The following BMP2 variants were observed in gnomAD, a reference collection of about 807,000 sequenced individuals.
BMP2 encodes the protein bone morphogenetic protein 2A.
BMP2 carries 2 observed loss-of-function variants against 28.8 expected under a neutral mutation model. The ratio of observed to expected loss-of-function variants is 0.07; its 90% confidence interval spans 0.03 to 0.22. The LOEUF (loss-of-function observed/expected upper bound fraction) is 0.22, where lower values mean the gene tolerates loss of function less well. Among genes scored for constraint, BMP2 ranks in the 10% least tolerant of loss-of-function variants. BMP2 has a pLI of 1.00. For synonymous variants in BMP2, 218 were observed against 204.3 expected, an observed-to-expected ratio of 1.07 and a Z score of -0.57; for missense variants, 437 against 517.7, an observed-to-expected ratio of 0.84 and a Z score of 1.51.
chr20:6,770,749 G>C (rs1216671696), intron 2 of BMP2, among the ~76,000 whole-genome samples: 2 of 152,206 alleles, frequency 1.3e-5, no homozygotes, highest in Non-Finnish European at 2.9e-5. Flanking sequence ...CAAGTGATGG[G>C]GAAGATGAGG....
Position 6,779,132 on chromosome 20 carries a change from T to TA in BMP2, c.*43_*44insA. The TA allele has an allele frequency of 5.3e-6, 5 of 946,058 alleles. No individual in the cohort carries two copies. Among genetic ancestry groups the TA allele is most frequent in the East Asian group, 7.8e-5 (2 of 25,750 alleles). The allele number at this position is 946,058 out of a possible 1,614,324, so 58.6% of individuals were successfully genotyped here. A position where few individuals can be genotyped will look rare whatever the true frequency, so the allele number is the denominator to read the frequency against. On this transcript the variant is annotated 3_prime_UTR_variant, in exon 3 of 3. Coordinates refer to ENST00000378827, the MANE Select transcript of BMP2 (RefSeq NM_001200.4). The stretch of plus-strand genomic sequence containing the variant: ...CATAAATATATATATATATATATAT[T>TA]TTAGAAAAAAGAAAAAAACAAACAA...
rs955179163 is a variant in BMP2 at position 6,770,061 on chromosome 20, G to T, written c.-7-59G>T. On this transcript the variant is annotated intron_variant, in intron 1 of 2. Coordinates refer to ENST00000378827, the MANE Select transcript of BMP2 (RefSeq NM_001200.4). ...CCAAATGGGAGACCGGGCCGCGGGG[G>T]CGCGAGGGGGGAGGACTGGGCGGGG... 7 of 1,460,772 alleles carry T rather than the reference G, an allele frequency of 4.8e-6. No homozygotes were observed. The South Asian group carries it at 6.8e-5, about 14-fold the overall frequency. The allele number at this position is 1,460,772 out of a possible 1,614,324, so 90.5% of individuals were successfully genotyped here.
In BMP2 at chr20:6,768,158, C is replaced by T. The variant is rs1488078543; in HGVS notation, c.-725C>T. 7.5e-6 allele frequency: 3 copies of T among 398,042 alleles called. No individual in the cohort carries two copies. Among genetic ancestry groups the T allele is most frequent in the Non-Finnish European group, 1.3e-5 (3 of 225,796 alleles). The allele number at this position is 398,042 out of a possible 1,614,324, so 24.7% of individuals were successfully genotyped here. A position where few individuals can be genotyped will look rare whatever the true frequency, so the allele number is the denominator to read the frequency against. On this transcript the variant is annotated 5_prime_UTR_variant, in exon 1 of 3. Coordinates refer to ENST00000378827, the MANE Select transcript of BMP2 (RefSeq NM_001200.4). ...GAGGGGAGAGCACAGCCACCCGCCT[C>T]GGCGGCCCGGGACTCGGCTCGACTC...
chr20:6,770,348 G>A lies in BMP2; in HGVS notation c.222G>A (p.Val74=). 1 of 1,613,476 alleles carries A rather than the reference G, an allele frequency of 6.2e-7. No homozygotes were observed. The highest frequency in any genetic ancestry group is 1.7e-5 in the Admixed American group (1 of 60,024). ...KQRPTPSRDA[V]VPPYMLDLYR... is the part of the protein sequence containing the mutation. ...GACCCACCCCCAGCAGGGACGCCGT[G>A]GTGCCCCCCTACATGCTAGACCTGT... The change falls in exon 2 of 3, where the codon GTG becomes GTA. Residue 74 remains valine (V), a synonymous_variant. Transcript: ENST00000378827.
In BMP2 at chr20:6,768,444, T is replaced by A. The variant is rs1281527513; in HGVS notation, c.-439T>A. ...AGCCGGCCCCGCGCGGGGCCACGCG[T>A]CCCTCGGGCGCTGGTTCCTAAGGAG... On this transcript the variant is annotated 5_prime_UTR_variant, in exon 1 of 3. Transcript: ENST00000378827. The A allele has an allele frequency of 2.6e-6, 1 of 391,072 alleles. No individual in the cohort carries two copies. The highest frequency in any genetic ancestry group is 2.1e-5 in the African/African-American group (1 of 48,022). 24.2% of individuals were successfully genotyped at this position (391,072 alleles called of 1,614,324 possible). A position where few individuals can be genotyped will look rare whatever the true frequency, so the allele number is the denominator to read the frequency against.
At chr20:6,772,810 A>G (rs543047152) in intron 2 of BMP2, among the ~76,000 whole-genome samples, 47 of 152,308 alleles carry the variant, frequency 3.1e-4, no homozygotes, top group African/African-American at 9.9e-4. Flanking sequence ...TATTTTTCCT[A>G]TTGAATTTTG....
Position 6,768,000 on chromosome 20 carries a change from TCCGGAGCCGATCCCTAGCGCCGCGATGCG to T in BMP2, c.-882_-854del. ...GACGGGCGCGCAGAGCGCCGGGGACTCCGGAGCCGATCCCTAGCGCCGCGATGCGGAGCACCTACTGCAGGAGATCGGGG... is the reference window on the plus strand; with the variant it reads ...GACGGGCGCGCAGAGCGCCGGGGACTGAGCACCTACTGCAGGAGATCGGGG... On this transcript the variant is annotated 5_prime_UTR_variant, in exon 1 of 3. It removes an upstream start codon present in the reference 5' UTR. Transcript: ENST00000378827. 2.5e-6 allele frequency: 1 copy of T among 397,198 alleles called. No individual in the cohort carries two copies. Among genetic ancestry groups the T allele is most frequent in the South Asian group, 1.3e-4 (1 of 7,824 alleles). 24.6% of individuals were successfully genotyped at this position (397,198 alleles called of 1,614,324 possible).
chr20:6,778,876 C>T lies in BMP2; in HGVS notation c.978C>T (p.His326=), dbSNP rs149993552. 3.7e-5 allele frequency: 60 copies of T among 1,614,084 alleles called. No homozygotes were observed. In the African/African-American group the frequency reaches 5.3e-4, roughly 14 times the overall value. Residue 326 remains histidine (H), a synonymous_variant, in exon 3 of 3, where the codon CAC becomes CAT. Coordinates refer to ENST00000378827, the MANE Select transcript of BMP2 (RefSeq NM_001200.4). The surrounding 1 kb of genome is among the most constrained non-coding windows in gnomAD (Gnocchi z 5.0). ...APPGYHAFYC[H]GECPFPLADH... is the part of the protein sequence containing the mutation. ...CGGGGTATCACGCCTTTTACTGCCA[C>T]GGAGAATGCCCTTTTCCTCTGGCTG...
chr20:6,769,611 G>GT (rs1986343095), intron 1 of BMP2, among the ~76,000 whole-genome samples: 1 of 111,124 alleles, frequency 9.0e-6, no homozygotes, highest in African/African-American at 3.6e-5. Flanking sequence ...GAAGCTATAA[G>GT]GGTGTGTGTG....
rs753811841 is a variant in BMP2 at position 6,778,795 on chromosome 20, C to T, written c.897C>T (p.His299=). Residue 299 remains histidine, a synonymous_variant, in exon 3 of 3, where the codon CAC becomes CAT. Transcript: ENST00000378827. The surrounding 1 kb of genome is among the most constrained non-coding windows in gnomAD (Gnocchi z 5.0). ...GCCTTAAGTCCAGCTGTAAGAGACA[C>T]CCTTTGTACGTGGACTTCAGTGACG... is the stretch of plus-strand genomic sequence containing the variant. The part of the protein sequence containing the change: ...RKRLKSSCKR[H]PLYVDFSDVG... The T allele has an allele frequency of 6.2e-7, 1 of 1,614,150 alleles. No homozygotes were observed. The highest frequency in any genetic ancestry group is 1.3e-5 in the African/African-American group (1 of 75,028).
chr20:6,772,303 T>C (rs2122380161), intron 2 of BMP2, among the ~76,000 whole-genome samples: 1 of 152,332 alleles, frequency 6.6e-6, no homozygotes, highest in African/African-American at 2.4e-5. Flanking sequence ...TGAGAAACAG[T>C]ACAGAAGTGA....
Position 6,778,144 on chromosome 20 carries a change from G to T in BMP2, c.347-101G>T. 1 of 1,483,412 alleles carries T rather than the reference G, an allele frequency of 6.7e-7. No individual in the cohort carries two copies. The highest frequency in any genetic ancestry group is 1.4e-5 in the South Asian group (1 of 70,764). The allele number at this position is 1,483,412 out of a possible 1,614,324, so 91.9% of individuals were successfully genotyped here. A position where few individuals can be genotyped will look rare whatever the true frequency, so the allele number is the denominator to read the frequency against. On this transcript the variant is annotated intron_variant, in intron 2 of 2. Coordinates refer to ENST00000378827, the MANE Select transcript of BMP2 (RefSeq NM_001200.4). This position sits in a 1 kb window ranked among gnomAD's most constrained non-coding sequence, Gnocchi z 5.0. The stretch of plus-strand genomic sequence containing the variant: ...TTACATGGGTTACATCAAATCCCAC[G>T]ATGAGGTTTAAAAATTCTCATAGAT...
Position 6,768,593 on chromosome 20 carries a change from G to C in BMP2, c.-290G>C, listed in dbSNP as rs1380000210. 3 of 394,764 alleles carry C rather than the reference G, an allele frequency of 7.6e-6. No individual in the cohort carries two copies. The highest frequency in any genetic ancestry group is 6.2e-5 in the African/African-American group (3 of 48,494). 24.5% of individuals were successfully genotyped at this position (394,764 alleles called of 1,614,324 possible). On this transcript the variant is annotated 5_prime_UTR_variant, in exon 1 of 3. Coordinates refer to ENST00000378827, the MANE Select transcript of BMP2 (RefSeq NM_001200.4). ...CTTGAACTTGCAGGGAGAATAACTT[G>C]CGCACCCCACTTTGCGCCGGTGCCT...
At chr20:6,772,982 A>G (rs759909881) in intron 2 of BMP2, among the ~76,000 whole-genome samples, 2 of 152,110 alleles carry the variant, frequency 1.3e-5, no homozygotes, top group Admixed American at 1.3e-4. Flanking sequence ...TGTTTTGTGT[A>G]TTGCTGTAGT....
chr20:6,767,819 T>C lies in BMP2; in HGVS notation c.-1064T>C. The C allele has an allele frequency of 3.0e-6, 1 of 329,758 alleles. No homozygotes were observed. Among genetic ancestry groups the C allele is most frequent in the Non-Finnish European group, 5.5e-6 (1 of 182,780 alleles). The allele number at this position is 329,758 out of a possible 1,614,324, so 20.4% of individuals were successfully genotyped here. A position where few individuals can be genotyped will look rare whatever the true frequency, so the allele number is the denominator to read the frequency against. On this transcript the variant is annotated 5_prime_UTR_variant, in exon 1 of 3. Transcript: ENST00000378827. ...CCGCCGCACATCTGCCGCCACAGCC[T>C]CCGCCGGCTACCCGAACGTTCTCGG...
Position 6,770,441 on chromosome 20 carries a change from A to G in BMP2, c.315A>G (p.Arg105=), listed in dbSNP as rs1374324716. Residue 105 remains arginine (R), a synonymous_variant, in exon 2 of 3, where the codon CGA becomes CGG. Coordinates refer to ENST00000378827, the MANE Select transcript of BMP2 (RefSeq NM_001200.4). ...PDHRLERAAS[R]ANTVRSFHHE... Reference sequence around the variant, plus strand: ...ACCGGTTGGAGAGGGCAGCCAGCCGAGCCAACACTGTGCGCAGCTTCCACC... The same window carrying G: ...ACCGGTTGGAGAGGGCAGCCAGCCGGGCCAACACTGTGCGCAGCTTCCACC... 6.2e-7 allele frequency: 1 copy of G among 1,604,842 alleles called. No individual in the cohort carries two copies. Among genetic ancestry groups the G allele is most frequent in the Non-Finnish European group, 8.5e-7 (1 of 1,174,198 alleles).
At chr20:6,769,612 G>GT (rs1555785662) in intron 1 of BMP2, among the ~76,000 whole-genome samples, 2 of 139,906 alleles carry the variant, frequency 1.4e-5, no homozygotes, top group African/African-American at 2.7e-5. Context: ...AAGCTATAAG[G>GT]GTGTGTGTGT....
Position 6,768,079 on chromosome 20 carries a change from T to C in BMP2, c.-804T>C, listed in dbSNP as rs1986289596. 2.5e-6 allele frequency: 1 copy of C among 398,038 alleles called. No homozygotes were observed. The highest frequency in any genetic ancestry group is 3.6e-5 in the East Asian group (1 of 28,022). The allele number at this position is 398,038 out of a possible 1,614,324, so 24.7% of individuals were successfully genotyped here. On this transcript the variant is annotated 5_prime_UTR_variant, in exon 1 of 3. An upstream open reading frame in the 5' UTR loses its in-frame stop. Coordinates refer to ENST00000378827, the MANE Select transcript of BMP2 (RefSeq NM_001200.4). ...GGCCTGGGACGCGCTGGCCGAGGTG[T>C]GATCGGACCCCAGGCTAGCCACAAA...
rs78192554 is a variant in BMP2, at chr20:6,772,838, T to C, written c.346+2366T>C. ...GAATTTTGTCTAGTCCTTTCTCCAGTGGCTTTTATTTGGGAGAATATCAGC... is the reference window on the plus strand; with the variant it reads ...GAATTTTGTCTAGTCCTTTCTCCAGCGGCTTTTATTTGGGAGAATATCAGC... On this transcript the variant is annotated intron_variant, in intron 2 of 2. Coordinates refer to ENST00000378827, the MANE Select transcript of BMP2 (RefSeq NM_001200.4). Among the ~76,000 whole-genome samples the C allele has an allele frequency of 0.018, 2,695 of 152,350 alleles. 132 individuals are homozygous for C. The East Asian group carries it at 0.18, about 10-fold the overall frequency.
Sources: allele counts gnomAD v4.1 joint callset (sites outside exome capture counted in the v4.1 genomes callset), GRCh38; gene constraint gnomAD v4.1.1; non-coding constraint Gnocchi (gnomAD v3.1); transcripts MANE v1.5; gene names NCBI Gene and HGNC (gene_info 2026-07-23, HGNC 2026-07-21).